The following PADI4 variants were observed in gnomAD, a reference collection of about 807,000 sequenced individuals.
PADI4 encodes peptidyl arginine deiminase 4.
In PADI4, 62 loss-of-function variants were observed where a neutral mutation model predicts 75.0. The ratio of observed to expected loss-of-function variants is 0.83; its 90% CI spans 0.67 to 1.02. PADI4 has a LOEUF of 1.02. Among genes scored for constraint, PADI4 ranks in the 50% least tolerant of loss-of-function variants. PADI4 has a pLI of 0.00. For missense variants in PADI4, 845 were observed against 850.5 expected, an observed-to-expected ratio of 0.99 and a Z score of 0.08; for synonymous variants, 361 against 348.1, an observed-to-expected ratio of 1.04 and a Z score of -0.41.
rs1329728756 is a variant in PADI4 at position 17,351,040 on chromosome 1, T to C, written c.1155+2992T>C. 5.1e-5 allele frequency among the ~76,000 whole-genome samples: 6 copies of C among 116,754 alleles called. 1 individual carries two copies. Among genetic ancestry groups the C allele is most frequent in the Non-Finnish European group, 1.1e-4 (6 of 52,664 alleles). 76.6% of individuals were successfully genotyped at this position (116,754 alleles called of 152,430 possible). On this transcript the variant is annotated intron_variant, in intron 10 of 15. Coordinates refer to ENST00000375448, the MANE Select transcript of PADI4 (RefSeq NM_012387.3). ...TGTCCCTACAAAAAAAAAAAAAAAA[T>C]TGTTTCAATTAACTAGGCATGGTAA...
At position 17,346,197 on chromosome 1, in the gene PADI4, G is replaced by C; in HGVS notation, c.1047+58G>C. On this transcript the variant is annotated intron_variant, in intron 9 of 15. Coordinates refer to ENST00000375448, the MANE Select transcript of PADI4 (RefSeq NM_012387.3). This position sits in a 1 kb window ranked among gnomAD's most constrained non-coding sequence, Gnocchi z 4.3. ...TCCCTGAGGGCCAAGAGACACTTGG[G>C]GGACCCGGGCTCCTGGGGTTCAGCC... 7 of 1,147,054 alleles carry C rather than the reference G, an allele frequency of 6.1e-6. No individual in the cohort carries two copies. Among genetic ancestry groups the C allele is most frequent in the Non-Finnish European group, 7.8e-6 (6 of 765,344 alleles). The allele number at this position is 1,147,054 out of a possible 1,614,324, so 71.1% of individuals were successfully genotyped here. A position where few individuals can be genotyped will look rare whatever the true frequency, so the allele number is the denominator to read the frequency against.
chr1:17,335,734 T>G (rs1331618026), intron 3 of PADI4, among the ~76,000 whole-genome samples: 1 of 152,260 alleles, frequency 6.6e-6, no homozygotes, highest in Non-Finnish European at 1.5e-5. Flanking sequence ...GGGGCTGGTG[T>G]CACCGCTGGG....
At position 17,330,991 on chromosome 1, in the gene PADI4, T is replaced by A; in HGVS notation, c.115T>A (p.Ser39Thr). 6.3e-7 allele frequency: 1 copy of A among 1,591,158 alleles called. No homozygotes were observed. The highest frequency in any genetic ancestry group is 8.5e-7 in the Non-Finnish European group (1 of 1,171,330). Residue 39 changes from serine (S) to threonine (T), a missense_variant, in exon 2 of 16, where the codon TCC becomes ACC. By Grantham distance (58) the Ser-to-Thr change is moderately conservative. Coordinates refer to ENST00000375448, the MANE Select transcript of PADI4 (RefSeq NM_012387.3). ...CAGCTCTGCCCCTGAGGACTGCACG[T>A]CCTTCAGCATCAACGCCTCCCCAGG... ...ICSSAPEDCT[S>T]FSINASPGVV...
At chr1:17,344,861 G>A (rs1041851884) in intron 8 of PADI4, among the ~76,000 whole-genome samples, 8 of 152,228 alleles carry the variant, frequency 5.3e-5, no homozygotes, top group Non-Finnish European at 8.8e-5. Flanking sequence ...AGTGCAGAGG[G>A]GAAATGTTGG....
intron 5 of PADI4, among the ~76,000 whole-genome samples, chr1:17,339,324 C>T (rs2074372571): frequency 6.6e-6 from 1 of 152,198 alleles, no homozygotes; most frequent in African/African-American, 2.4e-5. Flanking sequence ...TTGCACAAAT[C>T]TCAGCCGAGC....
At chr1:17,315,643 C>T (rs1033696037) in intron 1 of PADI4, among the ~76,000 whole-genome samples, 1 of 151,884 alleles carries the variant, frequency 6.6e-6, no homozygotes, top group Admixed American at 6.6e-5. Context: ...CGGGAAGGAC[C>T]CCCAACACTG....
intron 1 of PADI4, among the ~76,000 whole-genome samples, chr1:17,327,069 C>T (rs1024352159): frequency 1.2e-4 from 18 of 152,012 alleles, no homozygotes; most frequent in Non-Finnish European, 1.9e-4. Flanking sequence ...TGCCACAGTG[C>T]CTGGCTAATT....
intron 6 of PADI4, among the ~76,000 whole-genome samples, chr1:17,341,596 G>A (rs2074419337): frequency 6.6e-6 from 1 of 152,216 alleles, no homozygotes. Flanking sequence ...GGAGGACAGT[G>A]ACTCTGTCTC....
chr1:17,311,554 G>A (rs113509472), intron 1 of PADI4, among the ~76,000 whole-genome samples: 7 of 147,648 alleles, frequency 4.7e-5, no homozygotes, highest in Non-Finnish European at 7.4e-5. Flanking sequence ...ACGGAGTCTC[G>A]CTCTGTCCAG....
chr1:17,308,291 C>T lies in PADI4; in HGVS notation c.69C>T (p.Thr23=). The T allele has an allele frequency of 6.2e-7, 1 of 1,613,974 alleles. No homozygotes were observed. The highest frequency in any genetic ancestry group is 8.5e-7 in the Non-Finnish European group (1 of 1,179,908). ...CCCATGCCGTGTGTGTGCTGGGCAC[C>T]TTGACTCAGCTTGACATCTGCAGGT... ...QPTHAVCVLG[T]LTQLDICSSA... is the part of the protein sequence containing the mutation. Residue 23 remains threonine, a synonymous_variant, in exon 1 of 16, where the codon ACC becomes ACT. Transcript: ENST00000375448.
At chr1:17,312,499 G>A (rs1161307210) in intron 1 of PADI4, among the ~76,000 whole-genome samples, 19 of 151,074 alleles carry the variant, frequency 1.3e-4, no homozygotes, top group Admixed American at 1.3e-3. Context: ...GGGCAAAGAG[G>A]AAGAAAGAAA....
At chr1:17,327,587 G>C (rs2074136917) in intron 1 of PADI4, among the ~76,000 whole-genome samples, 2 of 151,314 alleles carry the variant, frequency 1.3e-5, no homozygotes, top group South Asian at 2.1e-4. Flanking sequence ...TGTCACCCAG[G>C]CTGGAGTACA....
intron 4 of PADI4, 46 bp downstream of exon 4, chr1:17,336,272 C>A: frequency 1.4e-6 from 2 of 1,478,388 alleles, no homozygotes; most frequent in Non-Finnish European, 1.9e-6. Context: ...CTGGATTCTC[C>A]CCGGGCGCCC....
intron 15 of PADI4, among the ~76,000 whole-genome samples, chr1:17,362,031 A>G (rs1293050125): frequency 1.3e-5 from 2 of 152,126 alleles, no homozygotes; most frequent in African/African-American, 4.8e-5. Flanking sequence ...GTTTACCAGA[A>G]GGTGACAGGT....
At chr1:17,315,848 C>G (rs1337798065) in intron 1 of PADI4, among the ~76,000 whole-genome samples, 3 of 152,002 alleles carry the variant, frequency 2.0e-5, no homozygotes, top group Non-Finnish European at 2.9e-5. Context: ...ACACTGGGTT[C>G]CCATTCAGGG....
intron 13 of PADI4, among the ~76,000 whole-genome samples, chr1:17,357,543 T>C (rs990621572): frequency 5.3e-5 from 8 of 152,204 alleles, no homozygotes; most frequent in African/African-American, 1.9e-4. Context: ...ATTCCATCCA[T>C]TCACTATACT....
intron 10 of PADI4, among the ~76,000 whole-genome samples, chr1:17,349,212 T>C (rs1253692391): frequency 6.6e-6 from 1 of 152,198 alleles, no homozygotes; most frequent in East Asian, 1.9e-4. Flanking sequence ...CTGCTTTCAG[T>C]CCTGCCTGGT....
intron 4 of PADI4, among the ~76,000 whole-genome samples, chr1:17,337,226 A>G (rs1425586066): frequency 6.6e-6 from 1 of 152,088 alleles, no homozygotes; most frequent in Non-Finnish European, 1.5e-5. Context: ...GTTCACCGCA[A>G]CCTCCGCCTC....
Position 17,344,883 on chromosome 1 carries a change from C to G in PADI4, c.936-1145C>G, listed in dbSNP as rs527294522. On this transcript the variant is annotated intron_variant, in intron 8 of 15. Coordinates refer to ENST00000375448, the MANE Select transcript of PADI4 (RefSeq NM_012387.3). ...AGGGGAAATGTTGGTTTGGAGCCCC[C>G]ACACAGAGTCCCTACTGGGACACCA... Among the ~76,000 whole-genome samples, 4 of 152,336 alleles carry G rather than the reference C, an allele frequency of 2.6e-5. No individual in the cohort carries two copies. The South Asian group carries it at 8.3e-4, about 32-fold the overall frequency.
Sources: gnomAD v4.1 joint callset for allele counts (sites outside exome capture counted in the v4.1 genomes callset) on GRCh38, gnomAD v4.1.1 for gene constraint, Gnocchi (gnomAD v3.1) non-coding constraint, MANE v1.5 for transcripts, NCBI Gene and HGNC (gene_info 2026-07-23, HGNC 2026-07-21) for gene names.